LGR5: variants seen among roughly 807,000 people sequenced by gnomAD.
The protein encoded by LGR5 is leucine-rich repeat-containing G protein-coupled receptor 5.
Under a neutral mutation model 76.7 loss-of-function variants are expected in LGR5, and 54 were observed. That is an observed-to-expected ratio of 0.70 (90% CI 0.57 to 0.88). The LOEUF (loss-of-function observed/expected upper bound fraction) is 0.88. LGR5 is among the 40% of genes least tolerant of loss of function. The probability of loss-of-function intolerance (pLI) is 0.00; values close to 1 mark genes in which losing one functional copy is unlikely to be tolerated. For missense variants in LGR5, 1,078 were observed against 1,073.3 expected (o/e 1.00, Z -0.06); for synonymous variants, 406 against 421.9 (o/e 0.96, Z 0.46).
intron 1 of LGR5, among the ~76,000 whole-genome samples, chr12:71,493,121 T>C (rs1046944804): frequency 2.6e-5 from 4 of 151,364 alleles, no homozygotes; most frequent in Admixed American, 2.6e-4. Flanking sequence ...AACTAATTTA[T>C]TTCTTTTTAT....
Position 71,492,994 on chromosome 12 carries a change from C to A in LGR5, c.213-11620C>A, listed in dbSNP as rs376675401. Among the ~76,000 whole-genome samples, 7 of 151,448 alleles carry A rather than the reference C, an allele frequency of 4.6e-5. No homozygotes were observed. The East Asian group carries it at 1.2e-3, about 25-fold the overall frequency. ...TTCATTTTTTAATCAGGTCACCAAG[C>A]TTTGGTCAGAGCCCATGAATGAATA... On this transcript the variant is annotated intron_variant, in intron 1 of 17. Coordinates refer to ENST00000266674, the MANE Select transcript of LGR5 (RefSeq NM_003667.4).
chr12:71,526,384 G>A (rs1201085717), intron 3 of LGR5, among the ~76,000 whole-genome samples: 1 of 151,920 alleles, frequency 6.6e-6, no homozygotes, highest in African/African-American at 2.4e-5. Flanking sequence ...ATTCAAAAAT[G>A]AGAAGCATAG....
In LGR5 at chr12:71,566,442, C is replaced by T; in HGVS notation, c.896C>T (p.Ser299Phe). The change falls in exon 9 of 18, where the codon TCT (serine) becomes TTT (phenylalanine). Residue 299 changes from serine to phenylalanine, a missense_variant. Physicochemically the swap from Ser to Phe is radical, Grantham distance 155. Transcript: ENST00000266674. ...YDNPIQFVGR[S>F]AFQHLPELRT... ...AATCCCATCCAGTTTGTTGGGAGAT[C>T]TGCTTTTCAACATTTACCTGAACTA... 6.2e-7 allele frequency: 1 copy of T among 1,604,720 alleles called. No individual in the cohort carries two copies. The highest frequency in any genetic ancestry group is 8.5e-7 in the Non-Finnish European group (1 of 1,171,842).
chr12:71,440,065 C>G lies in LGR5; in HGVS notation c.-16C>G. ...CTCCGCCCGCGTCCGGCTCGTGGCCCCCTACTTCGGGCACCATGGACACCT... is the reference window on the plus strand; with the variant it reads ...CTCCGCCCGCGTCCGGCTCGTGGCCGCCTACTTCGGGCACCATGGACACCT... On this transcript the variant is annotated 5_prime_UTR_variant, in exon 1 of 18. Coordinates refer to ENST00000266674, the MANE Select transcript of LGR5 (RefSeq NM_003667.4). This position sits in a 1 kb window ranked among gnomAD's most constrained non-coding sequence, Gnocchi z 5.3. 6.3e-7 allele frequency: 1 copy of G among 1,599,028 alleles called. No homozygotes were observed. Among genetic ancestry groups the G allele is most frequent in the Non-Finnish European group, 8.5e-7 (1 of 1,179,268 alleles).
chr12:71,538,735 G>A (rs547918307), intron 4 of LGR5, among the ~76,000 whole-genome samples: 2 of 151,330 alleles, frequency 1.3e-5, no homozygotes, highest in East Asian at 4.0e-4. Flanking sequence ...GTGCATGACT[G>A]TAGTCCCACC....
chr12:71,537,476 A>AGAAAG (rs1289057590), intron 4 of LGR5, among the ~76,000 whole-genome samples: 1 of 151,836 alleles, frequency 6.6e-6, no homozygotes, highest in Non-Finnish European at 1.5e-5. Context: ...CTCCAGAGTA[A>AGAAAG]GAAAAGAAAA....
At chr12:71,579,026 C>T in intron 15 of LGR5, 97 bp downstream of exon 15, 1 of 1,141,390 alleles carries the variant, frequency 8.8e-7, no homozygotes, top group Admixed American at 2.6e-5. Context: ...TCGTGAGACA[C>T]TTTTGAATTG....
chr12:71,581,563 G>A (rs1879092556), intron 16 of LGR5, among the ~76,000 whole-genome samples: 1 of 152,224 alleles, frequency 6.6e-6, no homozygotes, highest in South Asian at 2.1e-4. Flanking sequence ...ATCTGTTTAA[G>A]GAACTGATAT....
chr12:71,540,981 T>C (rs1435560285), intron 4 of LGR5, among the ~76,000 whole-genome samples: 1 of 152,206 alleles, frequency 6.6e-6, no homozygotes, highest in Non-Finnish European at 1.5e-5. Flanking sequence ...TGTTTTGCTT[T>C]CTTCACAAAA....
intron 1 of LGR5, among the ~76,000 whole-genome samples, chr12:71,461,313 A>G (rs554216508): frequency 7.2e-5 from 11 of 152,292 alleles, no homozygotes; most frequent in African/African-American, 2.6e-4. Flanking sequence ...TGAGTTATGT[A>G]AGGTGCTATG....
intron 11 of LGR5, among the ~76,000 whole-genome samples, chr12:71,571,093 G>A (rs1184104448): frequency 6.6e-6 from 1 of 152,104 alleles, no homozygotes. Flanking sequence ...CTCCTGCTAT[G>A]TTTTGAATTG....
chr12:71,474,642 C>T (rs1448852689), intron 1 of LGR5, among the ~76,000 whole-genome samples: 3 of 152,182 alleles, frequency 2.0e-5, no homozygotes, highest in Non-Finnish European at 2.9e-5. Flanking sequence ...TACAAAGCAA[C>T]ATATGTTAAT....
In LGR5 at chr12:71,481,527, T is replaced by C. The variant is rs575184683; in HGVS notation, c.213-23087T>C. Among the ~76,000 whole-genome samples, 85 of 152,350 alleles carry C rather than the reference T, an allele frequency of 5.6e-4. No individual in the cohort carries two copies. In the South Asian group the frequency reaches 0.017, roughly 30 times the overall value. ...GGCATGTGGGTTGGTTCCAAGTCTTTGTTATTGTGAATAGTGCTGCATTAA... is the reference window on the plus strand; with the variant it reads ...GGCATGTGGGTTGGTTCCAAGTCTTCGTTATTGTGAATAGTGCTGCATTAA... On this transcript the variant is annotated intron_variant, in intron 1 of 17. Transcript: ENST00000266674.
intron 1 of LGR5, among the ~76,000 whole-genome samples, chr12:71,497,646 T>C (rs1350536863): frequency 6.6e-6 from 1 of 152,202 alleles, no homozygotes; most frequent in Admixed American, 6.5e-5. Flanking sequence ...AGTGATCGAT[T>C]AAAAAGTGCT....
At chr12:71,553,323 T>G (rs1451567419) in intron 5 of LGR5, 35 bp downstream of exon 5, 1 of 1,553,682 alleles carries the variant, frequency 6.4e-7, no homozygotes, top group South Asian at 1.1e-5. Context: ...TTTTAACAGT[T>G]TCTAATGTCA....
At chr12:71,458,292 A>G (rs1240021763) in intron 1 of LGR5, among the ~76,000 whole-genome samples, 2 of 152,102 alleles carry the variant, frequency 1.3e-5, no homozygotes, top group African/African-American at 4.8e-5. Context: ...GTCAGATTTA[A>G]TGTTCCTTAT....
chr12:71,499,476 C>A (rs1242467518), intron 1 of LGR5, among the ~76,000 whole-genome samples: 1 of 152,074 alleles, frequency 6.6e-6, no homozygotes, highest in Admixed American at 6.5e-5. Flanking sequence ...GTAACTAGAT[C>A]ACACATTGCA....
At chr12:71,574,556 C>A (rs1878767098) in intron 13 of LGR5, among the ~76,000 whole-genome samples, 1 of 152,104 alleles carries the variant, frequency 6.6e-6, no homozygotes, top group African/African-American at 2.4e-5. Flanking sequence ...TCATCTTATT[C>A]TTTCTTAAAT....
rs371892560 is a variant in LGR5 at position 71,469,858 on chromosome 12, T to C, written c.212+29566T>C. Among the ~76,000 whole-genome samples the C allele has an allele frequency of 4.6e-5, 7 of 152,236 alleles. No homozygotes were observed. The South Asian group carries it at 1.5e-3, about 32-fold the overall frequency. The stretch of plus-strand genomic sequence containing the variant: ...ACCCGCCAACACCTAGAAAGTCTTG[T>C]AGTGAGTTTCCTGCTCTTTCTTTTA... On this transcript the variant is annotated intron_variant, in intron 1 of 17. Coordinates refer to ENST00000266674, the MANE Select transcript of LGR5 (RefSeq NM_003667.4).
Sources: allele counts gnomAD v4.1 joint callset (sites outside exome capture counted in the v4.1 genomes callset), GRCh38; gene constraint gnomAD v4.1.1; non-coding constraint Gnocchi (gnomAD v3.1); transcripts MANE v1.5; gene names NCBI Gene and HGNC (gene_info 2026-07-23, HGNC 2026-07-21).